Variants in DNAJA3 observed in about 807,000 individuals in gnomAD.
The protein encoded by DNAJA3 is DnaJ heat shock protein family (Hsp40) member A3.
DNAJA3 carries 29 observed loss-of-function variants against 54.9 expected under a neutral mutation model. The ratio of observed to expected loss-of-function variants is 0.53; its 90% CI spans 0.39 to 0.72. The LOEUF is 0.72. Among genes scored for constraint, DNAJA3 ranks in the 30% least tolerant of loss-of-function variants. The pLI is 0.00. For synonymous variants in DNAJA3, 302 were observed against 251.4 expected, an observed-to-expected ratio of 1.20 and a Z score of -1.90; for missense variants, 708 against 639.4, an observed-to-expected ratio of 1.11 and a Z score of -1.16.
intron 10 of DNAJA3, among the ~76,000 whole-genome samples, 156 bp downstream of exon 10, chr16:4,450,653 C>T (rs771292118): frequency 1.3e-5 from 2 of 152,142 alleles, no homozygotes; most frequent in Non-Finnish European, 2.9e-5. Flanking sequence ...GCGGGGACAG[C>T]GGGCAGGGAG....
intron 1 of DNAJA3, among the ~76,000 whole-genome samples, chr16:4,429,811 TCAA>T (rs2056672585): frequency 6.6e-6 from 1 of 150,672 alleles, no homozygotes; most frequent in South Asian, 2.1e-4. Context: ...TCCAGCCTGA[TCAA>T]CAAGAGCGAA....
At chr16:4,448,167 C>T (rs1301869491) in intron 8 of DNAJA3, among the ~76,000 whole-genome samples, 3 of 150,894 alleles carry the variant, frequency 2.0e-5, no homozygotes, top group Non-Finnish European at 4.4e-5. Flanking sequence ...CCTGGGCCTA[C>T]AAGCACGCGC....
Position 4,441,585 on chromosome 16 carries a change from T to G in DNAJA3, c.630+10T>G. Reference sequence around the variant, plus strand: ...TGATCAGCCTCAGGAAGTAAGTTCCTCACTTGGAAGAATTATTCAAATTTT... The same window carrying G: ...TGATCAGCCTCAGGAAGTAAGTTCCGCACTTGGAAGAATTATTCAAATTTT... On this transcript the variant is annotated intron_variant, in intron 4 of 11. Transcript: ENST00000262375. 2 of 1,612,250 alleles carry G rather than the reference T, an allele frequency of 1.2e-6. No individual in the cohort carries two copies. The highest frequency in any genetic ancestry group is 1.7e-6 in the Non-Finnish European group (2 of 1,179,410).
At chr16:4,454,339 G>A (rs947739362) in intron 10 of DNAJA3, among the ~76,000 whole-genome samples, 2 of 152,204 alleles carry the variant, frequency 1.3e-5, no homozygotes, top group Admixed American at 1.3e-4. Flanking sequence ...GAGTCAGACT[G>A]CATGGGCTCG....
rs777508621 is a variant in DNAJA3, at chr16:4,455,433, T to A, written c.*14-113T>A. ...ATTATGCTCATCTCAGCAAGTGGGG[T>A]TCTCGCCCCTCTCTTGGCACAGCTG... On this transcript the variant is annotated intron_variant, in intron 11 of 11. Coordinates refer to ENST00000262375, the MANE Select transcript of DNAJA3 (RefSeq NM_005147.6). The A allele has an allele frequency of 1.0e-5, 13 of 1,297,320 alleles. No homozygotes were observed. In the South Asian group the frequency reaches 1.7e-4, roughly 17 times the overall value. 80.4% of individuals were successfully genotyped at this position (1,297,320 alleles called of 1,614,324 possible). A position where few individuals can be genotyped will look rare whatever the true frequency, so the allele number is the denominator to read the frequency against.
chr16:4,452,838 G>A (rs2056993132), intron 10 of DNAJA3, among the ~76,000 whole-genome samples: 1 of 152,134 alleles, frequency 6.6e-6, no homozygotes, highest in African/African-American at 2.4e-5. Context: ...TTGAGCCTTA[G>A]TACTCAAGGC....
intron 3 of DNAJA3, 70 bp downstream of exon 3, chr16:4,437,555 C>A (rs1300971479): frequency 1.6e-6 from 2 of 1,252,590 alleles, no homozygotes; most frequent in Middle Eastern, 1.9e-4. Context: ...TGCATTGCTA[C>A]CTGGGACAGC....
chr16:4,448,313 C>G (rs1239594246), intron 8 of DNAJA3, among the ~76,000 whole-genome samples: 1 of 150,074 alleles, frequency 6.7e-6, no homozygotes, highest in Non-Finnish European at 1.5e-5. Flanking sequence ...GCATGAGCCA[C>G]TGCGCCCGGC....
chr16:4,444,766 TC>T, intron 7 of DNAJA3, 38 bp downstream of exon 7: 1 of 1,590,362 alleles, frequency 6.3e-7, no homozygotes, highest in Non-Finnish European at 8.6e-7. Flanking sequence ...GTTGGGCCTT[TC>T]CTCTCTTCGG....
In DNAJA3 at chr16:4,442,306, G is replaced by T. The variant is rs1350700292; in HGVS notation, c.669G>T (p.Gly223=). Residue 223 remains glycine (G), a synonymous_variant, in exon 5 of 12, where the codon GGG becomes GGT. Coordinates refer to ENST00000262375, the MANE Select transcript of DNAJA3 (RefSeq NM_005147.6). Reference sequence around the variant, plus strand: ...TGACATTCAATCAAGCTGCAAAGGGGGTCAACAAGGAGTTCACCGTGAACA... The same window carrying T: ...TGACATTCAATCAAGCTGCAAAGGGTGTCAACAAGGAGTTCACCGTGAACA... ...MELTFNQAAK[G]VNKEFTVNIM... 6.9e-6 allele frequency: 11 copies of T among 1,603,610 alleles called. No individual in the cohort carries two copies. Among genetic ancestry groups the T allele is most frequent in the African/African-American group, 5.4e-5 (4 of 74,490 alleles).
intron 1 of DNAJA3, among the ~76,000 whole-genome samples, chr16:4,428,239 C>G (rs2056649629): frequency 6.6e-6 from 1 of 152,178 alleles, no homozygotes. Context: ...GCTTGAGCCA[C>G]CGCGACCGGC....
intron 5 of DNAJA3, 109 bp downstream of exon 5, chr16:4,442,529 T>A: frequency 7.7e-7 from 1 of 1,299,020 alleles, no homozygotes; most frequent in Non-Finnish European, 1.0e-6. Context: ...GGGGAGTTGG[T>A]GAACTCAGCC....
Position 4,446,925 on chromosome 16 carries a change from A to C in DNAJA3, c.1036A>C (p.Ile346Leu). 1 of 1,614,134 alleles carries C rather than the reference A, an allele frequency of 6.2e-7. No homozygotes were observed. Among genetic ancestry groups the C allele is most frequent in the African/African-American group, 1.3e-5 (1 of 75,030 alleles). Residue 346 changes from isoleucine to leucine, a missense_variant, in exon 8 of 12, where the codon ATC becomes CTC. Transcript: ENST00000262375. ...SPVFRRDGAD[I>L]HSDLFISIAQ... is the part of the protein sequence containing the mutation. ...TGTGTTCCGGAGGGACGGCGCAGAC[A>C]TCCACTCCGACCTCTTTATTTCTAT...
chr16:4,443,810 C>G (rs776751602), intron 6 of DNAJA3, among the ~76,000 whole-genome samples: 2 of 152,124 alleles, frequency 1.3e-5, no homozygotes, highest in Non-Finnish European at 2.9e-5. Flanking sequence ...CCTCAGCCTC[C>G]CAAGGAGCTG....
chr16:4,450,886 A>G (rs2056970028), intron 10 of DNAJA3, among the ~76,000 whole-genome samples: 1 of 152,216 alleles, frequency 6.6e-6, no homozygotes, highest in Non-Finnish European at 1.5e-5. Context: ...GGATTTGTGC[A>G]CTTCCCACCT....
intron 3 of DNAJA3, 76 bp downstream of exon 3, chr16:4,437,561 A>C: frequency 8.1e-7 from 1 of 1,239,508 alleles, no homozygotes; most frequent in Non-Finnish European, 1.2e-6. Flanking sequence ...GCTACCTGGG[A>C]CAGCCTGGTG....
At chr16:4,450,116 A>C in intron 9 of DNAJA3, 1 of 368,960 alleles carries the variant, frequency 2.7e-6, no homozygotes, top group South Asian at 7.1e-5. Flanking sequence ...CTTGCTTCAC[A>C]TACACACTGG....
At chr16:4,441,330 C>T in intron 3 of DNAJA3, 45 bp from the exon 4 acceptor site, 1 of 1,557,344 alleles carries the variant, frequency 6.4e-7, no homozygotes, top group Non-Finnish European at 8.8e-7. Context: ...TATTCCTGGG[C>T]CTTGGTAGAC....
chr16:4,446,779 G>C (rs1156886901), intron 7 of DNAJA3, 107 bp from the exon 8 acceptor site: 7 of 1,356,294 alleles, frequency 5.2e-6, no homozygotes, highest in African/African-American at 1.4e-5. Context: ...ATGTATGGAA[G>C]GGGTGTGTAG....
Sources: gnomAD v4.1 joint callset for allele counts (sites outside exome capture counted in the v4.1 genomes callset) on GRCh38, gnomAD v4.1.1 for gene constraint, MANE v1.5 for transcripts, NCBI Gene and HGNC (gene_info 2026-07-23, HGNC 2026-07-21) for gene names.